Variants in ABCA1 observed in about 807,000 individuals in gnomAD.
ABCA1 encodes phospholipid-transporting ATPase ABCA1.
Under a neutral mutation model 262.5 loss-of-function variants are expected in ABCA1, and 133 were observed. That is an observed-to-expected ratio of 0.51 (90% confidence interval 0.44 to 0.59). The LOEUF (loss-of-function observed/expected upper bound fraction) is 0.59, where lower values mean the gene tolerates loss of function less well. ABCA1 is among the 20% of genes least tolerant of loss of function. ABCA1 has a pLI of 0.00. For synonymous variants in ABCA1, 1,022 were observed against 1,043.5 expected (o/e 0.98, Z 0.40); for missense variants, 2,452 against 2,777.5 (o/e 0.88, Z 2.63).
At chr9:104,822,311 T>A (rs550738068) in intron 19 of ABCA1, among the ~76,000 whole-genome samples, 185 bp downstream of exon 19, 18 of 152,270 alleles carry the variant, frequency 1.2e-4, no homozygotes, top group African/African-American at 4.3e-4. Flanking sequence ...GCTGAAGAAA[T>A]AACATCTAGC....
chr9:104,793,303 A>G lies in ABCA1; in HGVS notation c.5507-3T>C, dbSNP rs1829591490. On this transcript the variant is annotated splice_polypyrimidine_tract_variant and splice_region_variant and intron_variant, in intron 40 of 49. Coordinates refer to ENST00000374736, the MANE Select transcript of ABCA1 (RefSeq NM_005502.4). ...TGGTGACACAAAGCGATTCTCCCCT[A>G]GTAGACACAATGCAGAGATCCGGTC... 1.2e-6 allele frequency: 2 copies of G among 1,614,030 alleles called. No individual in the cohort carries two copies. Among genetic ancestry groups the G allele is most frequent in the African/African-American group, 1.3e-5 (1 of 74,930 alleles).
chr9:104,879,543 T>A (rs938187826), intron 5 of ABCA1, among the ~76,000 whole-genome samples: 1 of 152,194 alleles, frequency 6.6e-6, no homozygotes, highest in Non-Finnish European at 1.5e-5. Flanking sequence ...TTTGGGAGGA[T>A]AGGATAGCAT....
chr9:104,883,158 C>G lies in ABCA1; in HGVS notation c.303-1G>C, dbSNP rs763689600. 1.2e-6 allele frequency: 2 copies of G among 1,612,566 alleles called. No homozygotes were observed. The highest frequency in any genetic ancestry group is 1.1e-5 in the South Asian group (1 of 91,064). ...AGCATCTGAGAACAGGCGAGCCACA[C>G]TGTAAAGGGTGCAAGAAAAGGCGAA... On this transcript the variant is annotated splice_acceptor_variant, in intron 4 of 49. Coordinates refer to ENST00000374736, the MANE Select transcript of ABCA1 (RefSeq NM_005502.4). LOFTEE classifies it high-confidence loss of function.
Position 104,889,082 on chromosome 9 carries a change from C to A in ABCA1, c.160+20G>T, listed in dbSNP as rs762817828. 1 of 1,607,270 alleles carries A rather than the reference C, an allele frequency of 6.2e-7. No homozygotes were observed. Among genetic ancestry groups the A allele is most frequent in the Non-Finnish European group, 8.5e-7 (1 of 1,173,834 alleles). On this transcript the variant is annotated intron_variant, in intron 3 of 49. Coordinates refer to ENST00000374736, the MANE Select transcript of ABCA1 (RefSeq NM_005502.4). ...TTCCCTGCCATTGGTGAGTCTCAGGCAACATCCACAGTTACTTACATTCAT... is the reference window on the plus strand; with the variant it reads ...TTCCCTGCCATTGGTGAGTCTCAGGAAACATCCACAGTTACTTACATTCAT...
At chr9:104,907,619 G>T (rs1456365006) in intron 1 of ABCA1, among the ~76,000 whole-genome samples, 1 of 152,192 alleles carries the variant, frequency 6.6e-6, no homozygotes, top group Non-Finnish European at 1.5e-5. Context: ...CCCAAAGAGG[G>T]AGCTCTGTGT....
intron 5 of ABCA1, among the ~76,000 whole-genome samples, chr9:104,864,058 T>G (rs947673198): frequency 2.0e-5 from 3 of 152,204 alleles, no homozygotes; most frequent in African/African-American, 7.2e-5. Context: ...GAACATTGTT[T>G]TACTTGCATG....
At chr9:104,909,607 T>TAC (rs59524252) in intron 1 of ABCA1, among the ~76,000 whole-genome samples, 12,765 of 133,878 alleles carry the variant, frequency 0.095, 638 homozygotes, top group Middle Eastern at 0.13. Context: ...GCAAAAGAAA[T>TAC]ACACACACAC....
intron 5 of ABCA1, among the ~76,000 whole-genome samples, chr9:104,871,905 G>T (rs1837644579): frequency 6.6e-6 from 1 of 152,136 alleles, no homozygotes; most frequent in Non-Finnish European, 1.5e-5. Context: ...CACAACATGG[G>T]ACTAGAATCA....
intron 30 of ABCA1, 48 bp from the exon 31 acceptor site, chr9:104,806,478 C>A (rs936593586): frequency 1.3e-6 from 2 of 1,588,678 alleles, no homozygotes; most frequent in African/African-American, 1.3e-5. Flanking sequence ...ATGGCCTGGC[C>A]TTTCTGTTGC....
chr9:104,814,587 A>G, intron 25 of ABCA1, 112 bp from the exon 26 acceptor site: 1 of 1,076,726 alleles, frequency 9.3e-7, no homozygotes, highest in East Asian at 2.5e-5. Context: ...AGACAGAGAA[A>G]GTAGAAGCCA....
intron 1 of ABCA1, among the ~76,000 whole-genome samples, chr9:104,924,318 A>AC (rs149556739): frequency 3.3e-5 from 5 of 151,786 alleles, no homozygotes; most frequent in African/African-American, 9.7e-5. Flanking sequence ...ACTTAAAAAA[A>AC]TGTATTTGAG....
chr9:104,917,562 C>A (rs1841918764), intron 1 of ABCA1, among the ~76,000 whole-genome samples: 1 of 102,136 alleles, frequency 9.8e-6, no homozygotes, highest in African/African-American at 3.8e-5. Flanking sequence ...GGAGACCAGC[C>A]TGGCCAACAT....
intron 15 of ABCA1, among the ~76,000 whole-genome samples, 155 bp downstream of exon 15, chr9:104,828,761 T>C (rs1350181557): frequency 1.3e-5 from 2 of 152,170 alleles, no homozygotes; most frequent in Non-Finnish European, 2.9e-5. Flanking sequence ...TGGGCCTCAC[T>C]TTCCCCAACT....
intron 5 of ABCA1, among the ~76,000 whole-genome samples, chr9:104,862,103 CTT>C (rs553286875): frequency 2.1e-5 from 3 of 143,138 alleles, no homozygotes; most frequent in Admixed American, 7.0e-5. Context: ...CTTTCCTTTT[CTT>C]TTTTTTTTTT....
rs941567489 is a variant in ABCA1, at chr9:104,799,710, A to G, written c.4943+109T>C. On this transcript the variant is annotated intron_variant, in intron 36 of 49. Transcript: ENST00000374736. ...TGGATCAATCCAGATTTATCATAAT[A>G]TAACGGTCTCTGCAGCTGTTCCCCT... The G allele has an allele frequency of 7.6e-5, 122 of 1,603,674 alleles. 1 individual carries two copies. In the East Asian group the frequency reaches 1.1e-3, roughly 14 times the overall value.
chr9:104,820,758 G>A (rs1311366044), intron 20 of ABCA1, among the ~76,000 whole-genome samples: 1 of 146,346 alleles, frequency 6.8e-6, no homozygotes, highest in Non-Finnish European at 1.5e-5. Context: ...CAATAAGGAG[G>A]GTGGCGGGGG....
At chr9:104,926,496 T>C (rs1245791639) in intron 1 of ABCA1, among the ~76,000 whole-genome samples, 1 of 149,828 alleles carries the variant, frequency 6.7e-6, no homozygotes, top group Non-Finnish European at 1.5e-5. Context: ...AAACGGGCTT[T>C]CGCCTCAACC....
At chr9:104,862,542 A>C (rs1836515123) in intron 5 of ABCA1, among the ~76,000 whole-genome samples, 1 of 151,866 alleles carries the variant, frequency 6.6e-6, no homozygotes, top group Admixed American at 6.6e-5. Flanking sequence ...AGCTGCAGAG[A>C]CTAATCTCCT....
chr9:104,862,605 C>T, intron 5 of ABCA1, among the ~76,000 whole-genome samples: 1 of 142,926 alleles, frequency 7.0e-6, no homozygotes, highest in Non-Finnish European at 1.5e-5. Context: ...ATCAGAATCA[C>T]CTGGAGAGCT....
Sources: allele counts gnomAD v4.1 joint callset (sites outside exome capture counted in the v4.1 genomes callset), GRCh38; gene constraint gnomAD v4.1.1; transcripts MANE v1.5; gene names NCBI Gene and HGNC (gene_info 2026-07-23, HGNC 2026-07-21).